LRRD1: variants seen among roughly 807,000 people sequenced by gnomAD.
The protein encoded by LRRD1 is leucine rich repeats and death domain containing 1.
A neutral mutation model predicts 69.5 loss-of-function variants in LRRD1; 49 were observed. The observed-to-expected ratio is 0.70, with a 90% confidence interval of 0.56 to 0.89. The LOEUF (loss-of-function observed/expected upper bound fraction) is 0.89. LRRD1 is among the 40% of genes least tolerant of loss of function. LRRD1 has a pLI of 0.00. For synonymous variants in LRRD1, 303 were observed against 338.9 expected (o/e 0.89, Z 1.16); for missense variants, 853 against 956.0 (o/e 0.89, Z 1.42).
chr7:92,142,055 G>A, downstream of LRRD1: 1 of 171,460 alleles, frequency 5.8e-6, no homozygotes, highest in Non-Finnish European at 1.3e-5. Flanking sequence ...CCATTCTCCT[G>A]CCTCAGCCTC....
intron 3 of LRRD1, among the ~76,000 whole-genome samples, chr7:92,155,879 T>C (rs1350482258): frequency 1.3e-5 from 2 of 152,190 alleles, no homozygotes; most frequent in Admixed American, 6.5e-5. Flanking sequence ...GCATCCAGCA[T>C]GGGAGATAGA....
In LRRD1 at chr7:92,163,990, T is replaced by C. The variant is rs1351988681; in HGVS notation, c.1213A>G (p.Asn405Asp). 5 of 1,529,802 alleles carry C rather than the reference T, an allele frequency of 3.3e-6. 1 individual carries two copies. The highest frequency in any genetic ancestry group is 2.6e-6 in the Non-Finnish European group (3 of 1,139,780). 94.8% of individuals were successfully genotyped at this position (1,529,802 alleles called of 1,614,324 possible). The change falls in exon 2 of 6, where the codon AAT becomes GAT. Residue 405 changes from asparagine (N) to aspartate (D), a missense_variant. Asn to Asp is a conservative substitution (Grantham distance 23). Coordinates refer to ENST00000458448, the MANE Select transcript of LRRD1 (RefSeq NM_001161528.2). The stretch of plus-strand genomic sequence containing the variant: ...TACTTAGGGAGTTCTGTTAATTTAT[T>C]ATCACTAAGACTAAGGCATTCCAAC... Reference protein sequence around the residue: ...AMLECLSLSDNKLTELPKYIH... With the variant: ...AMLECLSLSDDKLTELPKYIH...
chr7:92,141,866 C>G (rs1288346987), downstream of LRRD1: 1 of 152,146 alleles, frequency 6.6e-6, no homozygotes, highest in Non-Finnish European at 1.5e-5. Flanking sequence ...TAAATTTTAA[C>G]CTGCAAAATA....
rs972199728 is a variant in LRRD1 at position 92,155,002 on chromosome 7, G to A, written c.2116+4003C>T. On this transcript the variant is annotated intron_variant, in intron 3 of 5. Coordinates refer to ENST00000458448, the MANE Select transcript of LRRD1 (RefSeq NM_001161528.2). ...TAATTTTGTAGTTTGAGGTGCAACA[G>A]CAAAATTAGCACAAATTTCTTTTTC... is the stretch of plus-strand genomic sequence containing the variant. Among the ~76,000 whole-genome samples the A allele has an allele frequency of 4.6e-5, 7 of 152,176 alleles. No individual in the cohort carries two copies. The East Asian group carries it at 1.2e-3, about 25-fold the overall frequency.
intron 1 of LRRD1, among the ~76,000 whole-genome samples, chr7:92,165,589 G>A (rs978768463): frequency 2.0e-5 from 3 of 152,110 alleles, no homozygotes; most frequent in Admixed American, 1.3e-4. Flanking sequence ...GGCCGGGTGC[G>A]GTGGCTCACA....
At chr7:92,150,854 G>A (rs147141573) in intron 3 of LRRD1, among the ~76,000 whole-genome samples, 159 bp from the exon 4 acceptor site, 35 of 152,308 alleles carry the variant, frequency 2.3e-4, no homozygotes, top group African/African-American at 7.7e-4. Context: ...GAGCAAAAAA[G>A]AGTGTTTATA....
intron 3 of LRRD1, among the ~76,000 whole-genome samples, chr7:92,156,614 G>A (rs1315287944): frequency 6.6e-6 from 1 of 152,180 alleles, no homozygotes; most frequent in East Asian, 1.9e-4. Context: ...GTAGACATAT[G>A]ATTGATTTTT....
intron 3 of LRRD1, among the ~76,000 whole-genome samples, chr7:92,151,196 T>C (rs1584651582): frequency 6.6e-6 from 1 of 152,232 alleles, no homozygotes; most frequent in East Asian, 1.9e-4. Flanking sequence ...CTTTTTCTGT[T>C]TCAGGAAATC....
chr7:92,163,537 T>C lies in LRRD1; in HGVS notation c.1666A>G (p.Ile556Val). The C allele has an allele frequency of 6.5e-7, 1 of 1,528,618 alleles. No individual in the cohort carries two copies. The highest frequency in any genetic ancestry group is 8.8e-7 in the Non-Finnish European group (1 of 1,139,318). The allele number at this position is 1,528,618 out of a possible 1,614,324, so 94.7% of individuals were successfully genotyped here. A position where few individuals can be genotyped will look rare whatever the true frequency, so the allele number is the denominator to read the frequency against. ...KKIPASISNMISLHVLILCCN... is the reference protein window; with the variant it reads ...KKIPASISNMVSLHVLILCCN... Reference sequence around the variant, plus strand: ...CATAAAATAAGTACGTGGAGTGATATCATATTAGAAATTGATGCTGGAATT... The same window carrying C: ...CATAAAATAAGTACGTGGAGTGATACCATATTAGAAATTGATGCTGGAATT... The change falls in exon 2 of 6, where the codon ATA becomes GTA. Residue 556 changes from isoleucine (I) to valine (V), a missense_variant. Around this residue, in one of 3 missense-constraint regions of LRRD1, gnomAD observed 739 missense variants for 808.0 expected, o/e 0.91. Coordinates refer to ENST00000458448, the MANE Select transcript of LRRD1 (RefSeq NM_001161528.2).
chr7:92,156,568 T>G (rs1788662178), intron 3 of LRRD1, among the ~76,000 whole-genome samples: 1 of 152,266 alleles, frequency 6.6e-6, no homozygotes, highest in African/African-American at 2.4e-5. Context: ...ATTGTACTTT[T>G]AAAGAAATCA....
At position 92,163,355 on chromosome 7, in the gene LRRD1, A is replaced by G; in HGVS notation, c.1848T>C (p.His616=). Residue 616 remains histidine, a synonymous_variant, in exon 2 of 6, where the codon CAT becomes CAC. Transcript: ENST00000458448. ...GAAGTTGGCACAGTTCAATAGGAAA[A>G]TGTATAAATTGATTGCTTGAGAAGT... The part of the protein sequence containing the change: ...KLNFSSNQFI[H]FPIELCQLQS... 1 of 1,541,122 alleles carries G rather than the reference A, an allele frequency of 6.5e-7. No individual in the cohort carries two copies. The highest frequency in any genetic ancestry group is 2.1e-5 in the Admixed American group (1 of 47,462).
rs1329755987 is a variant in LRRD1 at position 92,162,252 on chromosome 7, G to C, written c.1917+1034C>G. Among the ~76,000 whole-genome samples, 4 of 152,152 alleles carry C rather than the reference G, an allele frequency of 2.6e-5. No homozygotes were observed. The East Asian group carries it at 7.7e-4, about 29-fold the overall frequency. On this transcript the variant is annotated intron_variant, in intron 2 of 5. Coordinates refer to ENST00000458448, the MANE Select transcript of LRRD1 (RefSeq NM_001161528.2). The stretch of plus-strand genomic sequence containing the variant: ...AGTTTGGGAAATATGGGAATATTTT[G>C]GGAAAATTAGTGCAAGACTCTTCAA...
intron 4 of LRRD1, among the ~76,000 whole-genome samples, chr7:92,147,250 TC>T (rs1308052686): frequency 2.0e-5 from 3 of 152,010 alleles, no homozygotes; most frequent in African/African-American, 7.2e-5. Flanking sequence ...GTACTTTTAA[TC>T]GAGATGGGGT....
rs1039627783 is a variant in LRRD1 at position 92,164,442 on chromosome 7, T to C, written c.761A>G (p.Glu254Gly). ...NYIENFPSDL[E>G]CLGNLEILSL... Reference sequence around the variant, plus strand: ...TAAAATTTCCAAGTTTCCAAGACATTCTAAGTCAGAAGGAAAATTTTCAAT... The same window carrying C: ...TAAAATTTCCAAGTTTCCAAGACATCCTAAGTCAGAAGGAAAATTTTCAAT... The change falls in exon 2 of 6, where the codon GAA becomes GGA. Residue 254 changes from glutamate to glycine, a missense_variant. Transcript: ENST00000458448. 1.7e-5 allele frequency: 26 copies of C among 1,550,120 alleles called. No homozygotes were observed. Among genetic ancestry groups the C allele is most frequent in the Non-Finnish European group, 2.3e-5 (26 of 1,146,470 alleles).
At chr7:92,167,867 A>G (rs1470364359) in intron 1 of LRRD1, among the ~76,000 whole-genome samples, 1 of 106,878 alleles carries the variant, frequency 9.4e-6, no homozygotes, top group African/African-American at 3.8e-5. Flanking sequence ...ACACAGCGAG[A>G]CTCTGTCTCA....
At chr7:92,146,337 G>T (rs1820322578) in intron 4 of LRRD1, 137 bp from the exon 5 acceptor site, 1 of 540,222 alleles carries the variant, frequency 1.9e-6, no homozygotes, top group Non-Finnish European at 3.2e-6. Flanking sequence ...GACAATGCTG[G>T]CCGGGCACAG....
chr7:92,164,813 A>G lies in LRRD1; in HGVS notation c.390T>C (p.Ser130=). 1 of 1,551,612 alleles carries G rather than the reference A, an allele frequency of 6.4e-7. No homozygotes were observed. The highest frequency in any genetic ancestry group is 8.7e-7 in the Non-Finnish European group (1 of 1,146,940). The change falls in exon 2 of 6, where the codon TCT becomes TCC. Residue 130 remains serine (S), a synonymous_variant. Coordinates refer to ENST00000458448, the MANE Select transcript of LRRD1 (RefSeq NM_001161528.2). ...ETVGEVSPQV[S]EENQKQLGLG... ...GGCCAAGTTGTTTCTGATTTTCTTC[A>G]GAGACTTGTGGACTAACTTCTCCTA...
chr7:92,163,781 G>C lies in LRRD1; in HGVS notation c.1422C>G (p.Asn474Lys). ...QKIIKIELSYNKIMYFPLGLC... is the reference protein window; with the variant it reads ...QKIIKIELSYKKIMYFPLGLC... ...GTCCCAATGGAAAATACATTATTTT[G>C]TTATAACTCAATTCAATTTTAATTA... is the stretch of plus-strand genomic sequence containing the variant. The change falls in exon 2 of 6, where the codon AAC becomes AAG. Residue 474 changes from asparagine to lysine, a missense_variant. Transcript: ENST00000458448. 1 of 1,506,464 alleles carries C rather than the reference G, an allele frequency of 6.6e-7. No homozygotes were observed. Among genetic ancestry groups the C allele is most frequent in the East Asian group, 2.5e-5 (1 of 40,594 alleles). The allele number at this position is 1,506,464 out of a possible 1,614,324, so 93.3% of individuals were successfully genotyped here.
rs548977031 is a variant in LRRD1, at chr7:92,175,345, A to C, written c.-75+3662T>G. Among the ~76,000 whole-genome samples, 3 of 152,112 alleles carry C rather than the reference A, an allele frequency of 2.0e-5. No individual in the cohort carries two copies. In the East Asian group the frequency reaches 5.8e-4, roughly 29 times the overall value. ...TGATCCACTCAAATTGAGTAATTTG[A>C]GGAAACTTTAACAGAGTGCTGGCCA... On this transcript the variant is annotated intron_variant, in intron 1 of 5. Coordinates refer to ENST00000458448, the MANE Select transcript of LRRD1 (RefSeq NM_001161528.2).
Sources: gnomAD v4.1 joint callset for allele counts (sites outside exome capture counted in the v4.1 genomes callset) on GRCh38, gnomAD v4.1.1 for gene constraint, gnomAD v4.1.1 regional missense constraint, MANE v1.5 for transcripts, NCBI Gene and HGNC (gene_info 2026-07-23, HGNC 2026-07-21) for gene names.